Variants in AKT3 observed in about 807,000 individuals in gnomAD.
AKT3 encodes the protein RAC-gamma serine/threonine-protein kinase.
A neutral mutation model predicts 65.3 loss-of-function variants in AKT3; 15 were observed. That is an observed-to-expected ratio of 0.23 (90% CI 0.15 to 0.35). The LOEUF is 0.35. AKT3 is among the 10% of genes least tolerant of loss of function. The probability of loss-of-function intolerance (pLI) is 1.00; values close to 1 mark genes in which losing one functional copy is unlikely to be tolerated. For missense variants in AKT3, 243 were observed against 576.5 expected (o/e 0.42, Z 5.92); for synonymous variants, 206 against 183.8 (o/e 1.12, Z -0.98).
intron 2 of AKT3, among the ~76,000 whole-genome samples, chr1:243,724,659 A>C (rs1687103716): frequency 6.6e-6 from 1 of 152,170 alleles, no homozygotes. Context: ...TTTCTGGAAA[A>C]CTACACTTTT....
intron 8 of AKT3, among the ~76,000 whole-genome samples, chr1:243,577,165 G>C (rs1229972500): frequency 6.6e-6 from 1 of 152,104 alleles, no homozygotes; most frequent in East Asian, 1.9e-4. Context: ...TTGAATGATT[G>C]AGACAGAGTC....
intron 8 of AKT3, among the ~76,000 whole-genome samples, chr1:243,599,847 A>G (rs184211783): frequency 3.3e-5 from 5 of 152,242 alleles, no homozygotes; most frequent in Non-Finnish European, 7.4e-5. Context: ...AAGGCAAGGA[A>G]ATGTACACAT....
At chr1:243,791,667 C>T (rs1382021964) in intron 2 of AKT3, among the ~76,000 whole-genome samples, 2 of 152,146 alleles carry the variant, frequency 1.3e-5, no homozygotes, top group African/African-American at 4.8e-5. Context: ...CCCCTTCCCT[C>T]GTCAACAATT....
chr1:243,496,067 AGAT>A (rs1192367067), downstream of AKT3, among the ~76,000 whole-genome samples: 1 of 152,260 alleles, frequency 6.6e-6, no homozygotes, highest in African/African-American at 2.4e-5. Context: ...AGCCCAGCAC[AGAT>A]GATTATGAAA....
chr1:243,597,191 G>A (rs1044119391), intron 8 of AKT3, among the ~76,000 whole-genome samples: 3 of 152,114 alleles, frequency 2.0e-5, no homozygotes, highest in African/African-American at 7.2e-5. Flanking sequence ...TACTTAAAAT[G>A]AGTTCATTTC....
intron 1 of AKT3, among the ~76,000 whole-genome samples, chr1:243,844,182 G>C (rs1435738758): frequency 6.6e-6 from 1 of 152,108 alleles, no homozygotes; most frequent in Non-Finnish European, 1.5e-5. Context: ...ATTCTTATGT[G>C]ATCTTTATAA....
chr1:243,524,956 C>A (rs963286334), intron 12 of AKT3, among the ~76,000 whole-genome samples: 3 of 152,066 alleles, frequency 2.0e-5, no homozygotes, highest in Non-Finnish European at 4.4e-5. Flanking sequence ...CCAGCTTATG[C>A]CATTTAGGGT....
At chr1:243,837,109 C>T (rs981503674) in intron 2 of AKT3, among the ~76,000 whole-genome samples, 4 of 151,968 alleles carry the variant, frequency 2.6e-5, no homozygotes, top group East Asian at 1.9e-4. Context: ...ATCACTTGTG[C>T]CCAGGACGTC....
intron 9 of AKT3, among the ~76,000 whole-genome samples, chr1:243,565,226 C>A (rs760721339): frequency 3.9e-5 from 6 of 152,104 alleles, no homozygotes; most frequent in African/African-American, 1.2e-4. Context: ...TACTGCTGAA[C>A]CTTTAAAAAA....
rs546694496 is a variant in AKT3, at chr1:243,779,716, C to T, written c.46+63409G>A. On this transcript the variant is annotated intron_variant, in intron 2 of 13. Transcript: ENST00000673466. ...AATTAAAAATAAAGGAAAGTTAATA[C>T]TATTTTCCACTAAGAAGAACCAGAG... Among the ~76,000 whole-genome samples, 354 of 152,108 alleles carry T rather than the reference C, an allele frequency of 2.3e-3. 1 individual carries two copies. The highest frequency in any genetic ancestry group is 3.6e-3 in the Non-Finnish European group (244 of 67,920).
chr1:243,631,097 C>T (rs1397439525), intron 6 of AKT3, among the ~76,000 whole-genome samples: 1 of 152,174 alleles, frequency 6.6e-6, no homozygotes, highest in Admixed American at 6.5e-5. Context: ...TATGTTTACA[C>T]TGCACTATAC....
chr1:243,516,842 C>A (rs1395031332), intron 12 of AKT3, among the ~76,000 whole-genome samples: 1 of 152,176 alleles, frequency 6.6e-6, no homozygotes, highest in African/African-American at 2.4e-5. Flanking sequence ...TCTACCTTGG[C>A]CTTCAAAAGT....
At chr1:243,509,880 G>A (rs534758425) in intron 13 of AKT3, among the ~76,000 whole-genome samples, 17 of 152,166 alleles carry the variant, frequency 1.1e-4, no homozygotes, top group South Asian at 4.2e-4. Flanking sequence ...CAAAGTGACC[G>A]GCCATCGCCC....
intron 1 of AKT3, 143 bp downstream of exon 1, chr1:243,849,897 G>T: frequency 1.7e-6 from 1 of 585,912 alleles, no homozygotes; most frequent in Non-Finnish European, 2.1e-6. Flanking sequence ...CCGGCGCGGT[G>T]ACAACCCAGA....
At chr1:243,703,964 G>A (rs888396070) in intron 2 of AKT3, among the ~76,000 whole-genome samples, 1 of 151,868 alleles carries the variant, frequency 6.6e-6, no homozygotes. Context: ...GAATTTTTAG[G>A]TTATCATTTA....
chr1:243,846,601 G>A (rs1260583758), intron 1 of AKT3, among the ~76,000 whole-genome samples: 3 of 152,100 alleles, frequency 2.0e-5, no homozygotes, highest in Non-Finnish European at 4.4e-5. Flanking sequence ...TTTGATTAAA[G>A]ACTATGATGC....
intron 2 of AKT3, among the ~76,000 whole-genome samples, chr1:243,786,368 A>T (rs1327747298): frequency 1.3e-5 from 2 of 152,184 alleles, no homozygotes. Context: ...CTCAACCTAC[A>T]AGTTTGTAAA....
chr1:243,686,642 TA>T (rs1558719446), intron 3 of AKT3, among the ~76,000 whole-genome samples: 24 of 25,760 alleles, frequency 9.3e-4, no homozygotes, highest in Non-Finnish European at 2.1e-3. Flanking sequence ...TATATATATA[TA>T]TATATATATT....
At chr1:243,747,878 T>C (rs2148198337) in intron 2 of AKT3, among the ~76,000 whole-genome samples, 2 of 152,268 alleles carry the variant, frequency 1.3e-5, no homozygotes, top group Admixed American at 1.3e-4. Context: ...CAAGGATCGG[T>C]AAGAGTCAGT....
Sources: allele counts gnomAD v4.1 joint callset (sites outside exome capture counted in the v4.1 genomes callset), GRCh38; gene constraint gnomAD v4.1.1; transcripts MANE v1.5; gene names NCBI Gene and HGNC (gene_info 2026-07-23, HGNC 2026-07-21).